Variants in S100A8 observed in about 807,000 individuals in gnomAD.
S100A8 encodes S100 calcium binding protein A8.
A neutral mutation model predicts 4.2 loss-of-function variants in S100A8; 1 was observed. The ratio of observed to expected loss-of-function variants is 0.24; its 90% CI spans 0.08 to 1.12. The LOEUF (loss-of-function observed/expected upper bound fraction) is 1.12. Among genes scored for constraint, S100A8 ranks in the 50% most tolerant of loss-of-function variants. The probability of loss-of-function intolerance (pLI) is 0.53; values close to 1 mark genes in which losing one functional copy is unlikely to be tolerated. For synonymous variants in S100A8, 41 were observed against 44.7 expected (o/e 0.92, Z 0.33); for missense variants, 96 against 111.8 (o/e 0.86, Z 0.64).
At chr1:153,404,900 A>C in the S100A8 span, among the ~76,000 whole-genome samples, 11 of 151,954 alleles carry the variant, frequency 7.2e-5, no homozygotes, top group African/African-American at 2.2e-4. Context: ...GGCGACAACC[A>C]GGGCGAGGTG....
At chr1:153,404,931 T>C in the S100A8 span, among the ~76,000 whole-genome samples, 4 of 151,644 alleles carry the variant, frequency 2.6e-5, no homozygotes, top group South Asian at 2.1e-4. Context: ...GGCGCCACCG[T>C]GTGGAAGCTT....
the S100A8 span, chr1:153,419,532 T>G: frequency 3.4e-6 from 2 of 584,986 alleles, no homozygotes; most frequent in Admixed American, 6.2e-5. Flanking sequence ...AGAGCTGATC[T>G]GCCTCTCACA....
chr1:153,409,527 T>C, the S100A8 span, among the ~76,000 whole-genome samples: 8 of 152,134 alleles, frequency 5.3e-5, no homozygotes, highest in East Asian at 1.9e-4. Context: ...ACAATAATAA[T>C]GGGAGACTTT....
At chr1:153,416,052 T>C in the S100A8 span, among the ~76,000 whole-genome samples, 2 of 152,000 alleles carry the variant, frequency 1.3e-5, no homozygotes, top group African/African-American at 4.8e-5. Context: ...GAGGGGAGGG[T>C]TGAGGAGGAT....
In S100A8 at chr1:153,390,464, C is replaced by T; in HGVS notation, c.72G>A (p.Gly24=). The change falls in exon 2 of 3, where the codon GGG becomes GGA. Residue 24 remains glycine (G), a synonymous_variant. Transcript: ENST00000368733. Reference sequence around the variant, plus strand: ...CATCCCTGTAGACGGCATGGAAATTCCCCTTTATCAGGGAGTACTTGTGGT... The same window carrying T: ...CATCCCTGTAGACGGCATGGAAATTTCCCTTTATCAGGGAGTACTTGTGGT... ...DVYHKYSLIK[G]NFHAVYRDDL... 1 of 1,614,166 alleles carries T rather than the reference C, an allele frequency of 6.2e-7. No individual in the cohort carries two copies. Among genetic ancestry groups the T allele is most frequent in the Non-Finnish European group, 8.5e-7 (1 of 1,180,026 alleles).
chr1:153,405,916 C>G, the S100A8 span, among the ~76,000 whole-genome samples: 1 of 152,130 alleles, frequency 6.6e-6, no homozygotes, highest in African/African-American at 2.4e-5. Flanking sequence ...GTGAATGCTG[C>G]AGAACTCTCT....
upstream of S100A8, among the ~76,000 whole-genome samples, chr1:153,394,430 C>T (rs181345478): frequency 4.0e-3 from 613 of 152,252 alleles, 15 homozygotes; most frequent in Admixed American, 0.035. Flanking sequence ...CAGCCAGGGG[C>T]CTGCAGGAAG....
chr1:153,396,464 C>T, the S100A8 span: 1 of 152,890 alleles, frequency 6.5e-6, no homozygotes, highest in Non-Finnish European at 1.5e-5. Context: ...CATGTACACA[C>T]ATGTGCACAC....
the S100A8 span, among the ~76,000 whole-genome samples, chr1:153,405,717 C>T: frequency 4.6e-5 from 7 of 152,312 alleles, no homozygotes; most frequent in South Asian, 1.5e-3. Flanking sequence ...TGTCCCCCAC[C>T]TCCTCAGGTC....
At chr1:153,402,841 T>C in the S100A8 span, among the ~76,000 whole-genome samples, 1 of 151,948 alleles carries the variant, frequency 6.6e-6, no homozygotes, top group Non-Finnish European at 1.5e-5. Flanking sequence ...CATGGGAGGA[T>C]CTACAGTACT....
chr1:153,412,931 C>T, the S100A8 span, among the ~76,000 whole-genome samples: 37 of 152,222 alleles, frequency 2.4e-4, no homozygotes, highest in African/African-American at 8.7e-4. Flanking sequence ...GGGAATTGAA[C>T]AATGAGAACA....
the S100A8 span, chr1:153,419,618 A>C: frequency 2.6e-6 from 1 of 383,342 alleles, no homozygotes; most frequent in East Asian, 4.5e-5. Flanking sequence ...AGTTGGTAGA[A>C]GGCCCCTGCC....
At chr1:153,397,907 G>A in the S100A8 span, among the ~76,000 whole-genome samples, 1 of 152,180 alleles carries the variant, frequency 6.6e-6, no homozygotes, top group Non-Finnish European at 1.5e-5. Flanking sequence ...ACCCAGGCGG[G>A]GCTGTGACCC....
the S100A8 span, among the ~76,000 whole-genome samples, chr1:153,400,397 A>T: frequency 6.6e-6 from 1 of 151,902 alleles, no homozygotes; most frequent in South Asian, 2.1e-4. Context: ...CCAACACAAG[A>T]CTTCTCCCAG....
chr1:153,395,828 T>C (rs1662198536), upstream of S100A8, among the ~76,000 whole-genome samples: 1 of 152,252 alleles, frequency 6.6e-6, no homozygotes, highest in East Asian at 1.9e-4. Context: ...AGACATACTT[T>C]ATGATTTTCT....
the S100A8 span, among the ~76,000 whole-genome samples, chr1:153,417,578 C>A: frequency 6.6e-6 from 1 of 152,198 alleles, no homozygotes; most frequent in Non-Finnish European, 1.5e-5. Context: ...GCACTTGAGT[C>A]AAGGTGGGGC....
At chr1:153,419,645 C>T in the S100A8 span, 1 of 316,430 alleles carries the variant, frequency 3.2e-6, no homozygotes, top group African/African-American at 2.1e-5. Context: ...CAGCAATGCT[C>T]TCCTTGTCAA....
At chr1:153,401,725 A>T in the S100A8 span, among the ~76,000 whole-genome samples, 1 of 152,174 alleles carries the variant, frequency 6.6e-6, no homozygotes, top group Non-Finnish European at 1.5e-5. Context: ...CAAGAATTGG[A>T]AATACTTCAA....
the S100A8 span, chr1:153,418,067 C>G: frequency 1.6e-3 from 2,505 of 1,613,362 alleles, 40 homozygotes; most frequent in African/African-American, 0.029. Context: ...TTCCTGAAGG[C>G]TTTTTGAAAG....
Sources: allele counts gnomAD v4.1 joint callset (sites outside exome capture counted in the v4.1 genomes callset), GRCh38; gene constraint gnomAD v4.1.1; transcripts MANE v1.5; gene names NCBI Gene and HGNC (gene_info 2026-07-23, HGNC 2026-07-21).